Variants in LOC122539214 observed in about 807,000 individuals in gnomAD.
chr19:52,677,315 A>C, the LOC122539214 span, among the ~76,000 whole-genome samples: 13 of 109,730 alleles, frequency 1.2e-4, no homozygotes, highest in South Asian at 2.1e-3. Flanking sequence ...GTAAAAAAAA[A>C]AAAAAAAAAA....
the LOC122539214 span, among the ~76,000 whole-genome samples, chr19:52,675,314 T>G: frequency 6.6e-6 from 1 of 152,174 alleles, no homozygotes; most frequent in Non-Finnish European, 1.5e-5. Flanking sequence ...GCCTGAAGGA[T>G]CCCACGACAT....
chr19:52,687,607 A>G, the LOC122539214 span, among the ~76,000 whole-genome samples: 469 of 20,232 alleles, frequency 0.023, 10 homozygotes, highest in African/African-American at 0.17. Flanking sequence ...ATGTATATAT[A>G]TATAATGTGT....
the LOC122539214 span, among the ~76,000 whole-genome samples, chr19:52,687,633 G>GTGTATATATA: frequency 2.5e-4 from 7 of 27,846 alleles, 2 homozygotes; most frequent in African/African-American, 2.2e-3. Flanking sequence ...TATATATAAT[G>GTGTATATATA]TATATATATA....
At chr19:52,690,004 TGG>T in the LOC122539214 span, among the ~76,000 whole-genome samples, 1 of 151,406 alleles carries the variant, frequency 6.6e-6, no homozygotes, top group Non-Finnish European at 1.5e-5. Context: ...AGGACAAGGG[TGG>T]GGTCTGCAGG....
chr19:52,676,214 C>T, the LOC122539214 span, among the ~76,000 whole-genome samples: 5 of 152,308 alleles, frequency 3.3e-5, no homozygotes, highest in East Asian at 5.8e-4. Context: ...AGCTCCTAAC[C>T]GTGAGTGATC....
At chr19:52,671,520 T>C in the LOC122539214 span, among the ~76,000 whole-genome samples, 5 of 152,090 alleles carry the variant, frequency 3.3e-5, no homozygotes, top group Non-Finnish European at 5.9e-5. Flanking sequence ...CACTGCTCCT[T>C]GCACCCTCAA....
chr19:52,686,824 C>T, the LOC122539214 span, among the ~76,000 whole-genome samples: 6 of 152,192 alleles, frequency 3.9e-5, no homozygotes, highest in African/African-American at 7.2e-5. Flanking sequence ...TCTCTCACCT[C>T]GGTCTCCCAA....
At chr19:52,679,255 A>G in the LOC122539214 span, among the ~76,000 whole-genome samples, 2 of 152,216 alleles carry the variant, frequency 1.3e-5, no homozygotes, top group African/African-American at 4.8e-5. Flanking sequence ...GAAGACGATC[A>G]TTAGTTTATG....
the LOC122539214 span, among the ~76,000 whole-genome samples, chr19:52,681,900 T>C: frequency 6.6e-6 from 1 of 152,188 alleles, no homozygotes; most frequent in Non-Finnish European, 1.5e-5. Flanking sequence ...CAGCCTGAAG[T>C]GCAGTGGCAC....
At chr19:52,663,984 T>C in the LOC122539214 span, among the ~76,000 whole-genome samples, 12 of 152,198 alleles carry the variant, frequency 7.9e-5, no homozygotes, top group Admixed American at 2.0e-4. Flanking sequence ...CCTCCCGGAT[T>C]CAAGCTATTC....
At chr19:52,654,542 C>A in the LOC122539214 span, 2 of 437,100 alleles carry the variant, frequency 4.6e-6, no homozygotes, top group African/African-American at 2.1e-5. Flanking sequence ...TTTAAGAACA[C>A]CCTGTCTCTA....
chr19:52,676,257 G>A, the LOC122539214 span, among the ~76,000 whole-genome samples: 1 of 152,218 alleles, frequency 6.6e-6, no homozygotes, highest in Non-Finnish European at 1.5e-5. Context: ...TGCCGGGATT[G>A]CAGACGGAGT....
the LOC122539214 span, among the ~76,000 whole-genome samples, chr19:52,683,228 C>CTGTGTGTGTGTGTG: frequency 2.5e-4 from 32 of 128,060 alleles, no homozygotes; most frequent in East Asian, 3.7e-3. Context: ...CCCTGTGACT[C>CTGTGTGTGTGTGTG]TGTGTGTGTG....
the LOC122539214 span, among the ~76,000 whole-genome samples, chr19:52,679,783 T>C: frequency 1.1e-4 from 16 of 152,156 alleles, no homozygotes; most frequent in Non-Finnish European, 7.4e-5. Flanking sequence ...TCTTCATGAA[T>C]TTTCTGTTTT....
chr19:52,655,595 C>A, the LOC122539214 span: 1 of 1,504,834 alleles, frequency 6.6e-7, no homozygotes, highest in Non-Finnish European at 9.2e-7. Context: ...TCTCCAACAT[C>A]ACGGCCCTGT....
chr19:52,653,570 G>T, the LOC122539214 span, among the ~76,000 whole-genome samples: 4 of 152,000 alleles, frequency 2.6e-5, no homozygotes, highest in South Asian at 8.3e-4. Flanking sequence ...CATTTGTAAG[G>T]TTTCTCTCCA....
At chr19:52,683,707 C>T in the LOC122539214 span, among the ~76,000 whole-genome samples, 53 of 152,164 alleles carry the variant, frequency 3.5e-4, no homozygotes, top group Middle Eastern at 3.2e-3. Flanking sequence ...AGGCCTTCTC[C>T]TCTTATTTTG....
At chr19:52,659,889 A>G in the LOC122539214 span, among the ~76,000 whole-genome samples, 2 of 152,316 alleles carry the variant, frequency 1.3e-5, no homozygotes, top group African/African-American at 2.4e-5. Flanking sequence ...AGCTCCTGTA[A>G]TATTATCAAG....
chr19:52,672,432 C>T, the LOC122539214 span, among the ~76,000 whole-genome samples: 1 of 152,002 alleles, frequency 6.6e-6, no homozygotes. Context: ...ATTAGCATAT[C>T]TAGAATATTA....
Sources: allele counts gnomAD v4.1 joint callset (sites outside exome capture counted in the v4.1 genomes callset), GRCh38; gene constraint gnomAD v4.1.1; transcripts MANE v1.5.